The following LRRTM4 variants were observed in gnomAD, a reference collection of about 807,000 sequenced individuals.
The protein encoded by LRRTM4 is leucine rich repeat transmembrane neuronal 4, also known as leucine-rich repeat transmembrane neuronal protein 4.
LRRTM4 carries 25 observed loss-of-function variants against 47.6 expected under a neutral mutation model. That is an observed-to-expected ratio of 0.53 (90% CI 0.38 to 0.73). LRRTM4 has a LOEUF of 0.73. LRRTM4 is among the 30% of genes least tolerant of loss of function. The pLI is 0.00. For synonymous variants in LRRTM4, 311 were observed against 269.5 expected (o/e 1.15, Z -1.51); for missense variants, 638 against 713.4 (o/e 0.89, Z 1.20).
rs1672722092 is a variant in LRRTM4, at chr2:77,161,314, T to G, written c.1551+357004A>C. Reference sequence around the variant, plus strand: ...GACTTGACTGGTATTGTGACTCACCTCCTTTCTCAGGAACTGATTCAGCCC... The same window carrying G: ...GACTTGACTGGTATTGTGACTCACCGCCTTTCTCAGGAACTGATTCAGCCC... On this transcript the variant is annotated intron_variant, in intron 3 of 3. Transcript: ENST00000409884. 5.3e-5 allele frequency among the ~76,000 whole-genome samples: 8 copies of G among 152,244 alleles called. No individual in the cohort carries two copies. In the South Asian group the frequency reaches 1.7e-3, roughly 32 times the overall value.
chr2:77,355,820 C>T (rs1450280836), intron 3 of LRRTM4, among the ~76,000 whole-genome samples: 5 of 152,154 alleles, frequency 3.3e-5, no homozygotes, highest in Non-Finnish European at 7.4e-5. Context: ...GGACCAGGCA[C>T]AGTGGCTCAT....
chr2:76,783,262 T>C (rs996808591), intron 3 of LRRTM4, among the ~76,000 whole-genome samples: 1 of 152,214 alleles, frequency 6.6e-6, no homozygotes, highest in East Asian at 1.9e-4. Flanking sequence ...GTTGGTGATA[T>C]CTGGGAATCC....
At chr2:77,088,477 C>A (rs1427094469) in intron 3 of LRRTM4, among the ~76,000 whole-genome samples, 1 of 152,138 alleles carries the variant, frequency 6.6e-6, no homozygotes, top group Non-Finnish European at 1.5e-5. Flanking sequence ...TTGCGACCCC[C>A]ACTCCTGCCT....
In LRRTM4 at chr2:76,937,578, G is replaced by T. The variant is rs1016739054; in HGVS notation, c.1552-188662C>A. 2.0e-5 allele frequency among the ~76,000 whole-genome samples: 3 copies of T among 152,176 alleles called. No individual in the cohort carries two copies. In the South Asian group the frequency reaches 6.2e-4, roughly 31 times the overall value. On this transcript the variant is annotated intron_variant, in intron 3 of 3. Transcript: ENST00000409884. ...TCTTTACAAAATCTTTCTTTTGTGT[G>T]TATGTGTGTGAAATGAGTCTTGCTC...
intron 3 of LRRTM4, among the ~76,000 whole-genome samples, chr2:77,077,677 C>A (rs1680383480): frequency 6.6e-6 from 1 of 152,028 alleles, no homozygotes; most frequent in African/African-American, 2.4e-5. Flanking sequence ...AATATGGCTC[C>A]TGGGAAATTA....
chr2:76,814,909 A>G (rs1189330889), intron 3 of LRRTM4, among the ~76,000 whole-genome samples: 1 of 152,140 alleles, frequency 6.6e-6, no homozygotes, highest in African/African-American at 2.4e-5. Flanking sequence ...ACAAAAAATG[A>G]AATAAAACAA....
chr2:76,904,536 A>G (rs761424306), intron 3 of LRRTM4, among the ~76,000 whole-genome samples: 30 of 152,218 alleles, frequency 2.0e-4, no homozygotes, highest in Non-Finnish European at 4.0e-4. Flanking sequence ...TGACTGAAAC[A>G]TTATATATCT....
intron 3 of LRRTM4, among the ~76,000 whole-genome samples, chr2:76,979,593 A>C (rs1676534276): frequency 7.8e-6 from 1 of 127,572 alleles, no homozygotes. Context: ...GGAAGCATAA[A>C]AAGGCACAAC....
chr2:76,856,209 A>G (rs2020235), intron 3 of LRRTM4, among the ~76,000 whole-genome samples: 60,799 of 151,894 alleles, frequency 0.4, 13,651 homozygotes, highest in East Asian at 0.63. Flanking sequence ...CCCAGGAGGC[A>G]GAGGTTGCAG....
intron 3 of LRRTM4, among the ~76,000 whole-genome samples, chr2:76,857,061 C>G (rs774127104): frequency 6.6e-6 from 1 of 151,670 alleles, no homozygotes; most frequent in Non-Finnish European, 1.5e-5. Flanking sequence ...ACAGTTGACC[C>G]TTGAACAACA....
At chr2:77,293,162 A>C (rs1321630998) in intron 3 of LRRTM4, among the ~76,000 whole-genome samples, 1 of 152,122 alleles carries the variant, frequency 6.6e-6, no homozygotes, top group Non-Finnish European at 1.5e-5. Context: ...GGGAAGAAAA[A>C]AGTGTCATTA....
At chr2:76,807,471 C>CACATATATATATATATATATATACACAT (rs545039725) in intron 3 of LRRTM4, among the ~76,000 whole-genome samples, 9 of 97,482 alleles carry the variant, frequency 9.2e-5, no homozygotes, top group Non-Finnish European at 1.7e-4. Flanking sequence ...TATATATATA[C>CACATATATATATATATATATATACACAT]ATATATATAT....
At chr2:76,750,464 C>G (rs1306649626) in intron 3 of LRRTM4, among the ~76,000 whole-genome samples, 1 of 152,174 alleles carries the variant, frequency 6.6e-6, no homozygotes, top group Non-Finnish European at 1.5e-5. Flanking sequence ...GTTAATAACT[C>G]TATATCCAGT....
chr2:77,020,528 G>A (rs535088498), intron 3 of LRRTM4, among the ~76,000 whole-genome samples: 1 of 152,184 alleles, frequency 6.6e-6, no homozygotes, highest in Admixed American at 6.5e-5. Context: ...AAATTCGACA[G>A]AATAATCTAT....
chr2:76,817,835 TTGC>T (rs1670944883), intron 3 of LRRTM4, among the ~76,000 whole-genome samples: 3 of 144,578 alleles, frequency 2.1e-5, no homozygotes, highest in Non-Finnish European at 4.7e-5. Context: ...TAATGTCTTC[TTGC>T]TTAAGATATG....
At chr2:77,030,301 G>T (rs1368218108) in intron 3 of LRRTM4, among the ~76,000 whole-genome samples, 1 of 152,128 alleles carries the variant, frequency 6.6e-6, no homozygotes, top group Non-Finnish European at 1.5e-5. Context: ...GGGTGTGGTG[G>T]TATGTGCCTG....
intron 3 of LRRTM4, among the ~76,000 whole-genome samples, chr2:76,785,383 A>T (rs1674620542): frequency 6.6e-6 from 1 of 152,162 alleles, no homozygotes; most frequent in African/African-American, 2.4e-5. Flanking sequence ...TGTACTTTAT[A>T]ATCTTATACA....
At chr2:77,305,496 A>G (rs1026746319) in intron 3 of LRRTM4, among the ~76,000 whole-genome samples, 27 of 152,128 alleles carry the variant, frequency 1.8e-4, no homozygotes, top group Non-Finnish European at 2.8e-4. Context: ...ATTTATTAAG[A>G]CTTGTGCCTT....
intron 3 of LRRTM4, among the ~76,000 whole-genome samples, chr2:77,220,969 C>T (rs528006146): frequency 2.1e-4 from 32 of 152,268 alleles, no homozygotes; most frequent in African/African-American, 7.5e-4. Context: ...AGTCAGCTTA[C>T]CCACAAAGGG....
Sources: allele counts gnomAD v4.1 joint callset (sites outside exome capture counted in the v4.1 genomes callset), GRCh38; gene constraint gnomAD v4.1.1; transcripts MANE v1.5; gene names NCBI Gene and HGNC (gene_info 2026-07-23, HGNC 2026-07-21).